The following CLEC16A variants were observed in gnomAD, a reference collection of about 807,000 sequenced individuals.
CLEC16A encodes the protein C-type lectin domain containing 16A, also known as protein CLEC16A.
In CLEC16A, 51 loss-of-function variants were observed where a neutral mutation model predicts 109.5. The ratio of observed to expected loss-of-function variants is 0.47; its 90% CI spans 0.37 to 0.59. The LOEUF (loss-of-function observed/expected upper bound fraction) is 0.59, where lower values mean the gene tolerates loss of function less well. CLEC16A is among the 20% of genes least tolerant of loss of function. The pLI, the probability that CLEC16A is intolerant of heterozygous loss-of-function variation, is 0.00. For synonymous variants in CLEC16A, 673 were observed against 564.2 expected (o/e 1.19, Z -2.73); for missense variants, 1,339 against 1,394.0 (o/e 0.96, Z 0.63).
At chr16:10,981,343 T>C (rs1394828534) in intron 9 of CLEC16A, among the ~76,000 whole-genome samples, 3 of 152,194 alleles carry the variant, frequency 2.0e-5, no homozygotes, top group African/African-American at 4.8e-5. Context: ...AAAATCATCA[T>C]TGCTAACATT....
At chr16:11,167,780 G>A (rs1256698672) in intron 23 of CLEC16A, among the ~76,000 whole-genome samples, 1 of 152,200 alleles carries the variant, frequency 6.6e-6, no homozygotes, top group Non-Finnish European at 1.5e-5. Context: ...CCCCTTCTGA[G>A]CTATTTCTGA....
intron 9 of CLEC16A, among the ~76,000 whole-genome samples, chr16:10,979,936 T>C (rs374897118): frequency 1.3e-5 from 2 of 152,222 alleles, no homozygotes; most frequent in Non-Finnish European, 2.9e-5. Flanking sequence ...AACAAGTGTG[T>C]TTCCTTCATG....
chr16:11,020,103 A>C, intron 11 of CLEC16A, 90 bp from the exon 12 acceptor site: 1 of 1,431,788 alleles, frequency 7.0e-7, no homozygotes, highest in Non-Finnish European at 9.4e-7. Flanking sequence ...GGAGTCATTT[A>C]TGCATATTTA....
intron 18 of CLEC16A, among the ~76,000 whole-genome samples, chr16:11,060,196 TCTG>T (rs1025714600): frequency 3.3e-5 from 5 of 152,196 alleles, no homozygotes; most frequent in Non-Finnish European, 7.4e-5. Flanking sequence ...GTGCCCCTGG[TCTG>T]CTGGCAGGGA....
chr16:11,130,950 A>C (rs2053165953), intron 22 of CLEC16A, among the ~76,000 whole-genome samples: 1 of 152,158 alleles, frequency 6.6e-6, no homozygotes, highest in Non-Finnish European at 1.5e-5. Context: ...TCCTTGGATG[A>C]GATATTAAAG....
At chr16:10,958,622 C>T (rs1364236521) in intron 2 of CLEC16A, among the ~76,000 whole-genome samples, 2 of 152,024 alleles carry the variant, frequency 1.3e-5, no homozygotes, top group African/African-American at 2.4e-5. Context: ...AAGCAAGGGC[C>T]GCCAGGCGCG....
intron 12 of CLEC16A, 74 bp downstream of exon 12, chr16:11,020,399 T>C: frequency 1.4e-6 from 2 of 1,477,936 alleles, no homozygotes; most frequent in South Asian, 1.4e-5. Context: ...GGTTGAGCCC[T>C]AGGGCCAGAG....
intron 12 of CLEC16A, among the ~76,000 whole-genome samples, chr16:11,022,719 G>A (rs930369915): frequency 6.6e-6 from 1 of 151,874 alleles, no homozygotes; most frequent in Admixed American, 6.6e-5. Context: ...CTAACACGGT[G>A]AAACCCCGTC....
chr16:11,006,769 T>A (rs1196041165), intron 11 of CLEC16A, among the ~76,000 whole-genome samples: 4 of 152,120 alleles, frequency 2.6e-5, no homozygotes, highest in Non-Finnish European at 4.4e-5. Context: ...TCCTCCAGAT[T>A]TAAGCTCAGA....
intron 10 of CLEC16A, among the ~76,000 whole-genome samples, chr16:10,998,815 G>A (rs1305225698): frequency 6.6e-6 from 1 of 152,132 alleles, no homozygotes; most frequent in Admixed American, 6.5e-5. Flanking sequence ...ACAGTGGCGA[G>A]AGGAGGGACA....
chr16:11,168,917 T>A (rs1411152783), intron 23 of CLEC16A, among the ~76,000 whole-genome samples: 2 of 152,202 alleles, frequency 1.3e-5, no homozygotes, highest in Non-Finnish European at 2.9e-5. Context: ...TGAGGGAAGG[T>A]CACCCTGCGT....
chr16:11,004,205 T>C (rs1281192275), intron 11 of CLEC16A, among the ~76,000 whole-genome samples: 3 of 152,164 alleles, frequency 2.0e-5, no homozygotes, highest in Non-Finnish European at 4.4e-5. Flanking sequence ...CCTTCTTGAA[T>C]TGGAGATCAT....
chr16:11,016,668 G>A (rs1002764020), intron 11 of CLEC16A, among the ~76,000 whole-genome samples: 1 of 152,262 alleles, frequency 6.6e-6, no homozygotes, highest in African/African-American at 2.4e-5. Context: ...TCTGTGTACT[G>A]TTTGCTCTGC....
At chr16:11,155,739 C>T (rs74507474) in intron 22 of CLEC16A, among the ~76,000 whole-genome samples, 3,852 of 152,290 alleles carry the variant, frequency 0.025, 180 homozygotes, top group African/African-American at 0.088. Context: ...TTAAAACACA[C>T]GGTAGGAGAG....
At chr16:11,092,827 A>C (rs960957604) in intron 19 of CLEC16A, among the ~76,000 whole-genome samples, 3 of 152,188 alleles carry the variant, frequency 2.0e-5, no homozygotes, top group African/African-American at 7.2e-5. Flanking sequence ...CTCTTCTATA[A>C]AACACGGTGG....
At position 11,125,891 on chromosome 16, in the gene CLEC16A, A is replaced by G. The variant is rs966975179; in HGVS notation, c.2474-88A>G. The G allele has an allele frequency of 6.2e-6, 5 of 805,170 alleles. No individual in the cohort carries two copies. In the East Asian group the frequency reaches 1.5e-4, roughly 24 times the overall value. The allele number at this position is 805,170 out of a possible 1,614,324, so 49.9% of individuals were successfully genotyped here. ...CAAGTGATGTGCCTGGCAGGGCCAC[A>G]GCCACTACGATGTCCCCCCCCCCAA... On this transcript the variant is annotated intron_variant, in intron 21 of 23. Coordinates refer to ENST00000409790, the MANE Select transcript of CLEC16A (RefSeq NM_015226.3).
chr16:11,066,613 G>T (rs536339234), intron 19 of CLEC16A: 1 of 152,346 alleles, frequency 6.6e-6, no homozygotes, highest in South Asian at 2.1e-4. Context: ...ATGATATTCT[G>T]TTGTCTGAGA....
chr16:11,170,239 A>G (rs1436726959), intron 23 of CLEC16A, among the ~76,000 whole-genome samples: 1 of 152,036 alleles, frequency 6.6e-6, no homozygotes, highest in East Asian at 1.9e-4. Context: ...TCACGGCCCC[A>G]CTCGTGAAGG....
chr16:11,154,827 T>G (rs983022580), intron 22 of CLEC16A, among the ~76,000 whole-genome samples: 2 of 152,116 alleles, frequency 1.3e-5, no homozygotes, highest in African/African-American at 4.8e-5. Context: ...CTTGGGAGGC[T>G]GAGGTAAGAG....
Sources: gnomAD v4.1 joint callset for allele counts (sites outside exome capture counted in the v4.1 genomes callset) on GRCh38, gnomAD v4.1.1 for gene constraint, MANE v1.5 for transcripts, NCBI Gene and HGNC (gene_info 2026-07-23, HGNC 2026-07-21) for gene names.